The following RNF145 variants were observed in gnomAD, a reference collection of about 807,000 sequenced individuals.
RNF145 encodes ring finger protein 145.
RNF145 carries 12 observed loss-of-function variants against 57.3 expected under a neutral mutation model. The ratio of observed to expected loss-of-function variants is 0.21; its 90% CI spans 0.13 to 0.34. The LOEUF is 0.34. Ranked by LOEUF, RNF145 falls within the 10% of genes least tolerant of loss-of-function variation. RNF145 has a pLI of 1.00. For synonymous variants in RNF145, 262 were observed against 288.3 expected (o/e 0.91, Z 0.92); for missense variants, 429 against 799.0 (o/e 0.54, Z 5.58).
chr5:159,207,697 T>A (rs1339939533), intron 1 of RNF145: 1 of 1,613,012 alleles, frequency 6.2e-7, no homozygotes, highest in Non-Finnish European at 8.5e-7. Context: ...ATGGCACATG[T>A]TTTAAATATA....
chr5:159,199,130 C>T (rs1303225135), intron 2 of RNF145, among the ~76,000 whole-genome samples: 1 of 152,120 alleles, frequency 6.6e-6, no homozygotes, highest in Non-Finnish European at 1.5e-5. Context: ...CCTTAGAATG[C>T]AACATAATAA....
intron 2 of RNF145, among the ~76,000 whole-genome samples, chr5:159,201,695 A>G (rs57720492): frequency 0.14 from 20,657 of 152,210 alleles, 1,602 homozygotes; most frequent in South Asian, 0.2. Context: ...CCATGCTAAC[A>G]TCTGTATAAA....
chr5:159,194,542 T>C (rs1348304870), intron 3 of RNF145, among the ~76,000 whole-genome samples, 174 bp downstream of exon 3: 2 of 152,216 alleles, frequency 1.3e-5, no homozygotes, highest in Admixed American at 1.3e-4. Flanking sequence ...AGAAATAAAA[T>C]GTCAGCATAA....
intron 2 of RNF145, among the ~76,000 whole-genome samples, chr5:159,197,059 T>G (rs1785485420): frequency 6.6e-6 from 1 of 152,198 alleles, no homozygotes; most frequent in African/African-American, 2.4e-5. Flanking sequence ...TTAATGTGAA[T>G]AATAATCTAG....
At chr5:159,191,077 A>G (rs1158521323) in intron 3 of RNF145, among the ~76,000 whole-genome samples, 3 of 149,960 alleles carry the variant, frequency 2.0e-5, no homozygotes, top group Admixed American at 6.7e-5. Flanking sequence ...ATAGCTGATG[A>G]GCAAAAAAAA....
intron 3 of RNF145, among the ~76,000 whole-genome samples, chr5:159,193,051 G>A (rs1785339860): frequency 2.0e-5 from 3 of 152,180 alleles, no homozygotes; most frequent in Admixed American, 6.5e-5. Flanking sequence ...GATGAGAAAC[G>A]CATCATGTCT....
At chr5:159,194,445 T>C (rs571554931) in intron 3 of RNF145, among the ~76,000 whole-genome samples, 88 of 152,286 alleles carry the variant, frequency 5.8e-4, no homozygotes, top group Admixed American at 5.2e-4. Flanking sequence ...GGATTACAGG[T>C]GTGAGCCACC....
intron 2 of RNF145, among the ~76,000 whole-genome samples, chr5:159,195,040 TCTAC>T (rs1209832906): frequency 1.3e-5 from 2 of 152,266 alleles, no homozygotes; most frequent in Non-Finnish European, 2.9e-5. Flanking sequence ...TGTAGATTTC[TCTAC>T]CTAATAATCA....
intron 3 of RNF145, 42 bp from the exon 4 acceptor site, chr5:159,182,093 TC>T: frequency 3.3e-6 from 4 of 1,198,364 alleles, no homozygotes; most frequent in South Asian, 1.3e-5. Context: ...TTAGATACAT[TC>T]CTAGCGGAAT....
Position 159,174,432 on chromosome 5 carries a change from T to C in RNF145, c.622-274A>G, listed in dbSNP as rs544366446. 1.4e-4 allele frequency among the ~76,000 whole-genome samples: 21 copies of C among 152,264 alleles called. No homozygotes were observed. The South Asian group carries it at 3.3e-3, about 24-fold the overall frequency. On this transcript the variant is annotated intron_variant, in intron 5 of 10. Coordinates refer to ENST00000424310, the MANE Select transcript of RNF145 (RefSeq NM_001199383.2). Reference sequence around the variant, plus strand: ...CAGGGATAAGGTCAAAATAAGGTCATATTCAGTACAAAATAACCTTAAAAG... The same window carrying C: ...CAGGGATAAGGTCAAAATAAGGTCACATTCAGTACAAAATAACCTTAAAAG...
rs775159526 is a variant in RNF145 at position 159,169,816 on chromosome 5, A to G, written c.801T>C (p.Ile267=). The change falls in exon 7 of 11, where the codon ATT becomes ATC. Residue 267 remains isoleucine (I), a synonymous_variant. Coordinates refer to ENST00000424310, the MANE Select transcript of RNF145 (RefSeq NM_001199383.2). The part of the protein sequence containing the change: ...ERLLFLFLTS[I]AECCSTPYSL... ...AGTAAGGAGTGCTGCAGCATTCCGC[A>G]ATACTGGAAAAAAAGAGGGGGAAAT... 2 of 1,595,484 alleles carry G rather than the reference A, an allele frequency of 1.3e-6. No individual in the cohort carries two copies. Among genetic ancestry groups the G allele is most frequent in the Middle Eastern group, 1.7e-4 (1 of 5,980 alleles).
intron 1 of RNF145, among the ~76,000 whole-genome samples, chr5:159,204,388 G>A (rs983500923): frequency 2.8e-5 from 3 of 107,182 alleles, no homozygotes; most frequent in Admixed American, 2.6e-4. Context: ...ATAAGTAGTG[G>A]GGGGGGGCAG....
At chr5:159,191,097 G>T (rs1160215547) in intron 3 of RNF145, among the ~76,000 whole-genome samples, 1 of 147,954 alleles carries the variant, frequency 6.8e-6, no homozygotes, top group African/African-American at 2.5e-5. Context: ...AAAAAAAAAG[G>T]CAAAAAATAT....
chr5:159,167,016 T>C (rs1296434070), intron 8 of RNF145, among the ~76,000 whole-genome samples: 2 of 152,208 alleles, frequency 1.3e-5, no homozygotes, highest in Non-Finnish European at 2.9e-5. Context: ...TGGAATTTGG[T>C]AGAACTTGCC....
chr5:159,208,216 G>A, intron 1 of RNF145: 1 of 1,278,906 alleles, frequency 7.8e-7, no homozygotes, highest in Non-Finnish European at 1.0e-6. Flanking sequence ...AGCAGTAGCA[G>A]CAGCAACCGG....
intron 2 of RNF145, among the ~76,000 whole-genome samples, chr5:159,202,678 AG>A (rs767886958): frequency 7.2e-5 from 11 of 152,220 alleles, no homozygotes; most frequent in Non-Finnish European, 1.3e-4. Context: ...AAACCACTAT[AG>A]TACCATTCAA....
At chr5:159,208,139 T>C in intron 1 of RNF145, 1 of 1,425,576 alleles carries the variant, frequency 7.0e-7, no homozygotes, top group Non-Finnish European at 9.1e-7. Flanking sequence ...CCACAACGCC[T>C]GCAGATCTCA....
intron 2 of RNF145, among the ~76,000 whole-genome samples, chr5:159,199,725 G>A (rs974094716): frequency 2.6e-5 from 4 of 151,884 alleles, no homozygotes; most frequent in East Asian, 1.9e-4. Context: ...GACCCACCAC[G>A]ACCTATAGAA....
chr5:159,177,283 T>A (rs1784749059), intron 4 of RNF145, among the ~76,000 whole-genome samples: 1 of 152,134 alleles, frequency 6.6e-6, no homozygotes, highest in South Asian at 2.1e-4. Flanking sequence ...ATATAATTAC[T>A]TGTTCAAGAT....
Sources: gnomAD v4.1 joint callset for allele counts (sites outside exome capture counted in the v4.1 genomes callset) on GRCh38, gnomAD v4.1.1 for gene constraint, MANE v1.5 for transcripts, NCBI Gene and HGNC (gene_info 2026-07-23, HGNC 2026-07-21) for gene names.